The following KCNK1 variants were observed in gnomAD, a reference collection of about 807,000 sequenced individuals.
KCNK1 encodes potassium two pore domain channel subfamily K member 1.
A neutral mutation model predicts 22.2 loss-of-function variants in KCNK1; 10 were observed. The observed-to-expected ratio is 0.45, with a 90% CI of 0.28 to 0.76. The LOEUF (loss-of-function observed/expected upper bound fraction) is 0.76. KCNK1 is among the 30% of genes least tolerant of loss of function. The pLI is 0.14. For synonymous variants in KCNK1, 200 were observed against 186.4 expected (o/e 1.07, Z -0.60); for missense variants, 378 against 421.0 (o/e 0.90, Z 0.89).
intron 1 of KCNK1, among the ~76,000 whole-genome samples, chr1:233,629,200 G>T (rs185774409): frequency 6.6e-6 from 1 of 152,332 alleles, no homozygotes; most frequent in African/African-American, 2.4e-5. Context: ...TGCATAGGGT[G>T]TAGAGACCTA....
intron 1 of KCNK1, among the ~76,000 whole-genome samples, chr1:233,621,302 G>A (rs1377152841): frequency 6.6e-6 from 1 of 152,206 alleles, no homozygotes; most frequent in Non-Finnish European, 1.5e-5. Context: ...TCTTGAACTT[G>A]AAGCCTCCAG....
chr1:233,657,411 G>A (rs1658316363), intron 1 of KCNK1, among the ~76,000 whole-genome samples: 1 of 152,110 alleles, frequency 6.6e-6, no homozygotes, highest in African/African-American at 2.4e-5. Context: ...CCAGTAGTGG[G>A]TCATGTTCCT....
At chr1:233,616,339 A>G (rs1657488144) in intron 1 of KCNK1, among the ~76,000 whole-genome samples, 1 of 152,182 alleles carries the variant, frequency 6.6e-6, no homozygotes, top group African/African-American at 2.4e-5. Context: ...ATTTTTCGTG[A>G]CTCATGTATA....
intron 1 of KCNK1, among the ~76,000 whole-genome samples, chr1:233,634,238 G>A (rs568625993): frequency 7.1e-4 from 108 of 151,366 alleles, no homozygotes; most frequent in Middle Eastern, 3.2e-3. Context: ...CCCAGGAGGC[G>A]GAGGTTGAAG....
At position 233,614,482 on chromosome 1, in the gene KCNK1, TCAC is replaced by T; in HGVS notation, c.313_315del (p.Thr105del). The T allele has an allele frequency of 6.2e-7, 1 of 1,612,262 alleles. No individual in the cohort carries two copies. Among genetic ancestry groups the T allele is most frequent in the Non-Finnish European group, 8.5e-7 (1 of 1,179,274 alleles). Reference sequence around the variant, plus strand: ...GCCTCGGGCAACTGGAACTGGGACTTCACCTCCGCGCTCTTCTTCGCCAGCACC... The same window carrying T: ...GCCTCGGGCAACTGGAACTGGGACTTCTCCGCGCTCTTCTTCGCCAGCACC... On this transcript the variant is annotated inframe_deletion, in exon 1 of 3. Coordinates refer to ENST00000366621, the MANE Select transcript of KCNK1 (RefSeq NM_002245.4).
At chr1:233,626,765 C>T (rs1338887221) in intron 1 of KCNK1, among the ~76,000 whole-genome samples, 1 of 152,004 alleles carries the variant, frequency 6.6e-6, no homozygotes, top group Non-Finnish European at 1.5e-5. Flanking sequence ...TTTAATATTA[C>T]AAAAGGTTGT....
intron 1 of KCNK1, among the ~76,000 whole-genome samples, chr1:233,622,512 C>T (rs1357606618): frequency 1.3e-5 from 2 of 152,190 alleles, no homozygotes. Flanking sequence ...ATCTCCTAGA[C>T]TCAGTCTGTA....
At chr1:233,671,173 CAA>C (rs1658589606) in intron 2 of KCNK1, 96 bp from the exon 3 acceptor site, 2 of 1,123,994 alleles carry the variant, frequency 1.8e-6, no homozygotes. Context: ...TATTCCTTAA[CAA>C]ACACTGTGTT....
At chr1:233,618,720 T>C (rs1571887329) in intron 1 of KCNK1, among the ~76,000 whole-genome samples, 1 of 151,858 alleles carries the variant, frequency 6.6e-6, no homozygotes, top group Non-Finnish European at 1.5e-5. Context: ...CCCATCTCTA[T>C]TAAAAATGCA....
intron 1 of KCNK1, among the ~76,000 whole-genome samples, chr1:233,618,375 C>T (rs114678952): frequency 0.03 from 4,473 of 146,824 alleles, 210 homozygotes; most frequent in African/African-American, 0.1. Flanking sequence ...CACAGAACTT[C>T]TATACTGTGT....
chr1:233,623,932 A>G (rs1558108163), intron 1 of KCNK1, among the ~76,000 whole-genome samples: 1 of 152,214 alleles, frequency 6.6e-6, no homozygotes, highest in Non-Finnish European at 1.5e-5. Flanking sequence ...ACCTGAAACT[A>G]TTCAAGTCAA....
chr1:233,639,736 G>A (rs1657971556), intron 1 of KCNK1, among the ~76,000 whole-genome samples: 1 of 152,342 alleles, frequency 6.6e-6, no homozygotes, highest in African/African-American at 2.4e-5. Context: ...GTCATCTCGT[G>A]AACGTGGCAT....
chr1:233,645,267 A>G (rs1193243289), intron 1 of KCNK1, among the ~76,000 whole-genome samples: 2 of 152,178 alleles, frequency 1.3e-5, no homozygotes, highest in African/African-American at 4.8e-5. Flanking sequence ...AATGGGTTTA[A>G]TGGTGACTCT....
intron 1 of KCNK1, chr1:233,649,964 T>C (rs750242017): frequency 1.5e-5 from 8 of 533,314 alleles, no homozygotes; most frequent in Admixed American, 1.9e-5. Context: ...TATCTCCTGA[T>C]TTGGTTAGAA....
At chr1:233,635,375 T>C (rs929928856) in intron 1 of KCNK1, among the ~76,000 whole-genome samples, 2 of 152,184 alleles carry the variant, frequency 1.3e-5, no homozygotes, top group Non-Finnish European at 2.9e-5. Flanking sequence ...GCTTGAAATA[T>C]GGTAATAAAC....
intron 1 of KCNK1, among the ~76,000 whole-genome samples, chr1:233,615,690 A>G (rs1229099583): frequency 6.8e-6 from 1 of 148,140 alleles, no homozygotes; most frequent in Non-Finnish European, 1.5e-5. Flanking sequence ...TTTACAGGTG[A>G]ATCACATCCC....
rs556488587 is a variant in KCNK1 at position 233,638,614 on chromosome 1, C to T, written c.355+24088C>T. ...GTGATGGCCACGGTGACGCCAGCCT[C>T]AGGGCCTCCCCTTGAGGAGGCTCCC... On this transcript the variant is annotated intron_variant, in intron 1 of 2. Transcript: ENST00000366621. Among the ~76,000 whole-genome samples the T allele has an allele frequency of 2.7e-3, 411 of 152,290 alleles. 1 individual carries two copies. The highest frequency in any genetic ancestry group is 9.4e-3 in the African/African-American group (389 of 41,576).
intron 1 of KCNK1, among the ~76,000 whole-genome samples, chr1:233,663,645 G>T (rs1455978882): frequency 6.6e-6 from 1 of 152,114 alleles, no homozygotes; most frequent in Non-Finnish European, 1.5e-5. Flanking sequence ...TAGACTTAAA[G>T]GCCTTCGTGG....
At chr1:233,635,507 C>T (rs931949449) in intron 1 of KCNK1, among the ~76,000 whole-genome samples, 3 of 152,064 alleles carry the variant, frequency 2.0e-5, no homozygotes, top group African/African-American at 4.8e-5. Context: ...TAGGGCATCA[C>T]GACTATATAT....
Sources: allele counts gnomAD v4.1 joint callset (sites outside exome capture counted in the v4.1 genomes callset), GRCh38; gene constraint gnomAD v4.1.1; transcripts MANE v1.5; gene names NCBI Gene and HGNC (gene_info 2026-07-23, HGNC 2026-07-21).